The following CACNA1C variants were observed in gnomAD, a reference collection of about 807,000 sequenced individuals.
CACNA1C encodes voltage-dependent L-type calcium channel subunit alpha-1C.
CACNA1C carries 30 observed loss-of-function variants against 229.0 expected under a neutral mutation model. The ratio of observed to expected loss-of-function variants is 0.13; its 90% CI spans 0.10 to 0.18. CACNA1C has a LOEUF of 0.18. Ranked by LOEUF, CACNA1C falls within the 10% of genes least tolerant of loss-of-function variation. The pLI is 1.00. For synonymous variants in CACNA1C, 1,114 were observed against 1,132.5 expected (o/e 0.98, Z 0.33); for missense variants, 1,658 against 2,845.0 (o/e 0.58, Z 9.49).
rs906139089 is a variant in CACNA1C, at chr12:2,181,885, T to A, written c.477+61455T>A. Reference sequence around the variant, plus strand: ...AGCTGGAGGATGCAGGCAAGATGTGTGTTAAGGGGGTCCTGCAGAGTGGGG... The same window carrying A: ...AGCTGGAGGATGCAGGCAAGATGTGAGTTAAGGGGGTCCTGCAGAGTGGGG... On this transcript the variant is annotated intron_variant, in intron 3 of 46. Transcript: ENST00000399655. This position sits in a 1 kb window ranked among gnomAD's most constrained non-coding sequence, Gnocchi z 4.0. 8.6e-5 allele frequency among the ~76,000 whole-genome samples: 13 copies of A among 152,046 alleles called. No homozygotes were observed. Among genetic ancestry groups the A allele is most frequent in the Admixed American group, 8.5e-4 (13 of 15,272 alleles).
At chr12:2,203,044 A>G (rs1243445637) in intron 3 of CACNA1C, among the ~76,000 whole-genome samples, 3 of 152,200 alleles carry the variant, frequency 2.0e-5, no homozygotes, top group Non-Finnish European at 2.9e-5. Flanking sequence ...TCAGGATCCT[A>G]TTAAAGTTCT....
intron 1 of CACNA1C, among the ~76,000 whole-genome samples, chr12:2,077,292 T>G (rs571241557): frequency 6.6e-6 from 1 of 152,362 alleles, no homozygotes; most frequent in South Asian, 2.1e-4. Context: ...CACATCTCTC[T>G]TTTCTAAATG....
Position 2,053,736 on chromosome 12 carries a change from G to T in CACNA1C, c.49+125G>T. The T allele has an allele frequency of 1.0e-6, 1 of 983,118 alleles. No individual in the cohort carries two copies. The highest frequency in any genetic ancestry group is 1.3e-6 in the Non-Finnish European group (1 of 771,482). The allele number at this position is 983,118 out of a possible 1,614,324, so 60.9% of individuals were successfully genotyped here. On this transcript the variant is annotated intron_variant, in intron 1 of 46. Transcript: ENST00000399655. The surrounding 1 kb of genome is among the most constrained non-coding windows in gnomAD (Gnocchi z 5.8). ...AGTGGCCCGGGGCCGCGTCCGCGAG[G>T]GGCGCCTCCGCCTCGTCGGAGCGCC...
At chr12:2,110,571 G>A (rs1452187308) in intron 1 of CACNA1C, among the ~76,000 whole-genome samples, 1 of 152,176 alleles carries the variant, frequency 6.6e-6, no homozygotes, top group East Asian at 1.9e-4. Flanking sequence ...GCTAACAAAA[G>A]CCGTCAGGGA....
chr12:2,681,830 TG>T lies in CACNA1C; in HGVS notation c.5445-717del, dbSNP rs2097161135. The T allele has an allele frequency of 1.6e-4, 111 of 686,758 alleles. No individual in the cohort carries two copies. In the South Asian group the frequency reaches 1.7e-3, roughly 11 times the overall value. 42.5% of individuals were successfully genotyped at this position (686,758 alleles called of 1,614,324 possible). A position where few individuals can be genotyped will look rare whatever the true frequency, so the allele number is the denominator to read the frequency against. On this transcript the variant is annotated intron_variant, in intron 42 of 46. Transcript: ENST00000399655. ...TGCCCTCAGGGGTCTGAGGATAAAG[TG>T]GGCCCAGCATGCAAGGTCTATAGAA...
intron 1 of CACNA1C, among the ~76,000 whole-genome samples, chr12:2,043,331 T>G (rs1264534488): frequency 6.6e-6 from 1 of 152,204 alleles, no homozygotes; most frequent in Non-Finnish European, 1.5e-5. Context: ...CTTAATATAA[T>G]ACAAATCTAT....
intron 3 of CACNA1C, among the ~76,000 whole-genome samples, chr12:2,229,680 G>C (rs978303283): frequency 6.6e-6 from 1 of 152,114 alleles, no homozygotes; most frequent in African/African-American, 2.4e-5. Context: ...GGAATGAGGG[G>C]GTCAGCAGGG....
intron 3 of CACNA1C, among the ~76,000 whole-genome samples, chr12:2,339,309 A>G (rs2096791548): frequency 6.6e-6 from 1 of 152,270 alleles, no homozygotes; most frequent in African/African-American, 2.4e-5. Flanking sequence ...TTGCCTGTGT[A>G]GGTCATTTAC....
intron 3 of CACNA1C, among the ~76,000 whole-genome samples, chr12:2,379,434 A>G (rs542248475): frequency 1.9e-4 from 29 of 152,330 alleles, no homozygotes; most frequent in Middle Eastern, 3.4e-3. Flanking sequence ...TTTAACCCTG[A>G]GAATTTTACT....
At chr12:1,984,123 C>A (rs1015628004) in intron 1 of CACNA1C, among the ~76,000 whole-genome samples, 1 of 152,020 alleles carries the variant, frequency 6.6e-6, no homozygotes, top group African/African-American at 2.4e-5. Flanking sequence ...TATATTGTTA[C>A]ATTTAAAATG....
In CACNA1C at chr12:2,309,492, TACACACACACAC is replaced by T. The variant is rs375903186; in HGVS notation, c.478-139472_478-139461del. 4.1e-5 allele frequency among the ~76,000 whole-genome samples: 6 copies of T among 146,370 alleles called. No homozygotes were observed. In the South Asian group the frequency reaches 1.3e-3, roughly 32 times the overall value. The stretch of plus-strand genomic sequence containing the variant: ...GCCTATGACACCACACACACACACA[TACACACACACAC>T]ACACACACACAGAGGGAACTGTGTT... On this transcript the variant is annotated intron_variant, in intron 3 of 46. Coordinates refer to ENST00000399655, the MANE Select transcript of CACNA1C (RefSeq NM_000719.7).
At chr12:2,435,385 G>A (rs535662052) in intron 3 of CACNA1C, among the ~76,000 whole-genome samples, 33 of 152,340 alleles carry the variant, frequency 2.2e-4, no homozygotes, top group Admixed American at 5.2e-4. Flanking sequence ...TGCCTGGACT[G>A]TGCACCCCAA....
chr12:2,584,178 A>G (rs957824280), intron 15 of CACNA1C, among the ~76,000 whole-genome samples: 3 of 152,184 alleles, frequency 2.0e-5, no homozygotes, highest in African/African-American at 7.2e-5. Flanking sequence ...TATAATGTCA[A>G]TTACAGCCAG....
At chr12:2,252,953 C>G (rs1438512377) in intron 3 of CACNA1C, among the ~76,000 whole-genome samples, 1 of 151,962 alleles carries the variant, frequency 6.6e-6, no homozygotes, top group Non-Finnish European at 1.5e-5. Context: ...ATCATTTACT[C>G]CCTACCCCTT....
intron 1 of CACNA1C, among the ~76,000 whole-genome samples, chr12:2,073,229 G>T (rs906016059): frequency 6.6e-6 from 1 of 152,192 alleles, no homozygotes; most frequent in Non-Finnish European, 1.5e-5. Context: ...AGCAGCTTTT[G>T]GTATAAGGGG....
Position 2,666,758 on chromosome 12 carries a change from G to T in CACNA1C, c.4599G>T (p.Leu1533=). 6.2e-7 allele frequency: 1 copy of T among 1,605,988 alleles called. No individual in the cohort carries two copies. The highest frequency in any genetic ancestry group is 8.5e-7 in the Non-Finnish European group (1 of 1,176,020). ...RIQPPLGFGK[L]CPHRVACKRL... is the part of the protein sequence containing the mutation. Reference sequence around the variant, plus strand: ...AGCCGCCACTAGGTTTTGGGAAGCTGTGCCCTCACCGCGTGGCTTGCAAAG... The same window carrying T: ...AGCCGCCACTAGGTTTTGGGAAGCTTTGCCCTCACCGCGTGGCTTGCAAAG... The change falls in exon 37 of 47, where the codon CTG becomes CTT. Residue 1533 remains leucine (L), a synonymous_variant. Transcript: ENST00000399655. This position sits in a 1 kb window ranked among gnomAD's most constrained non-coding sequence, Gnocchi z 5.3.
At chr12:2,563,388 T>C (rs1028340081) in intron 11 of CACNA1C, among the ~76,000 whole-genome samples, 3 of 152,194 alleles carry the variant, frequency 2.0e-5, no homozygotes, top group Non-Finnish European at 1.5e-5. Context: ...TTGGAAACCA[T>C]GTTTTCCACC....
At chr12:2,388,227 ATAAT>A (rs1263965238) in intron 3 of CACNA1C, among the ~76,000 whole-genome samples, 1 of 152,238 alleles carries the variant, frequency 6.6e-6, no homozygotes, top group Non-Finnish European at 1.5e-5. Flanking sequence ...CATGGTAACT[ATAAT>A]TAATAAAAAT....
At position 2,585,341 on chromosome 12, in the gene CACNA1C, C is replaced by A; in HGVS notation, c.2340-35C>A. ...CACTGTTCCCTATCACTCCAGTAAA[C>A]AGCCATTTATTTTTTTCTGCTGCTG... On this transcript the variant is annotated intron_variant, in intron 16 of 46. Coordinates refer to ENST00000399655, the MANE Select transcript of CACNA1C (RefSeq NM_000719.7). The surrounding 1 kb of genome is among the most constrained non-coding windows in gnomAD (Gnocchi z 4.1). 6.2e-7 allele frequency: 1 copy of A among 1,600,576 alleles called. No individual in the cohort carries two copies. Among genetic ancestry groups the A allele is most frequent in the Admixed American group, 1.7e-5 (1 of 59,014 alleles).
Sources: allele counts gnomAD v4.1 joint callset (sites outside exome capture counted in the v4.1 genomes callset), GRCh38; gene constraint gnomAD v4.1.1; non-coding constraint Gnocchi (gnomAD v3.1); transcripts MANE v1.5; gene names NCBI Gene and HGNC (gene_info 2026-07-23, HGNC 2026-07-21).